The following HOMER2 variants were observed in gnomAD, a reference collection of about 807,000 sequenced individuals.
The protein encoded by HOMER2 is homer scaffold protein 2.
Under a neutral mutation model 47.0 loss-of-function variants are expected in HOMER2, and 27 were observed. That is an observed-to-expected ratio of 0.57 (90% confidence interval 0.42 to 0.79). The LOEUF (loss-of-function observed/expected upper bound fraction) is 0.79, where lower values mean the gene tolerates loss of function less well. Among genes scored for constraint, HOMER2 ranks in the 30% least tolerant of loss-of-function variants. HOMER2 has a pLI of 0.00. For synonymous variants in HOMER2, 161 were observed against 163.8 expected, an observed-to-expected ratio of 0.98 and a Z score of 0.13; for missense variants, 443 against 435.0, an observed-to-expected ratio of 1.02 and a Z score of -0.16.
intron 4 of HOMER2, among the ~76,000 whole-genome samples, 196 bp downstream of exon 4, chr15:82,863,971 T>C (rs1283222353): frequency 1.3e-5 from 2 of 152,356 alleles, no homozygotes; most frequent in East Asian, 3.9e-4. Flanking sequence ...AACCATTTTC[T>C]GTCAGAAATA....
rs574035779 is a variant in HOMER2, at chr15:82,915,625, T to C, written c.6-22784A>G. ...CTGCTGGGAGGCTAACGTGGGAGGA[T>C]TGCCTGGGCCTGGGAGTTCAAGGCT... On this transcript the variant is annotated intron_variant, in intron 1 of 8. Coordinates refer to ENST00000450735, the MANE Select transcript of HOMER2 (RefSeq NM_004839.4). 1.1e-3 allele frequency among the ~76,000 whole-genome samples: 161 copies of C among 152,296 alleles called. 1 individual carries two copies. The highest frequency in any genetic ancestry group is 7.2e-4 in the African/African-American group (30 of 41,574).
At chr15:82,853,996 G>C (rs1300749196) in intron 6 of HOMER2, among the ~76,000 whole-genome samples, 1 of 152,148 alleles carries the variant, frequency 6.6e-6, no homozygotes, top group Non-Finnish European at 1.5e-5. Flanking sequence ...CTTCCTCCAC[G>C]GAGGGTCACT....
intron 3 of HOMER2, among the ~76,000 whole-genome samples, chr15:82,873,367 T>A (rs1186951397): frequency 1.3e-5 from 2 of 152,200 alleles, no homozygotes; most frequent in African/African-American, 4.8e-5. Context: ...CTGTCCCACA[T>A]GACACTGCTT....
At chr15:82,928,326 C>T (rs2053908619) in intron 1 of HOMER2, among the ~76,000 whole-genome samples, 1 of 152,166 alleles carries the variant, frequency 6.6e-6, no homozygotes, top group African/African-American at 2.4e-5. Flanking sequence ...GAGGTCTGAG[C>T]ACATAGACTG....
chr15:82,868,108 G>A (rs760830924), intron 3 of HOMER2, among the ~76,000 whole-genome samples: 2 of 151,894 alleles, frequency 1.3e-5, no homozygotes, highest in Non-Finnish European at 2.9e-5. Flanking sequence ...TTTTTCATAT[G>A]ATTGTTGGCT....
At chr15:82,911,099 G>A (rs566193627) in intron 1 of HOMER2, among the ~76,000 whole-genome samples, 2 of 152,256 alleles carry the variant, frequency 1.3e-5, no homozygotes, top group South Asian at 4.1e-4. Flanking sequence ...GGTGTAAGAC[G>A]CCACTGCAGG....
Position 82,918,890 on chromosome 15 carries a change from T to C in HOMER2, c.6-26049A>G, listed in dbSNP as rs548255316. Reference sequence around the variant, plus strand: ...GCTGTGCAGGGCACAACTCTGAGTGTCAATCATGAAAGACACGCAGACTCA... The same window carrying C: ...GCTGTGCAGGGCACAACTCTGAGTGCCAATCATGAAAGACACGCAGACTCA... On this transcript the variant is annotated intron_variant, in intron 1 of 8. Coordinates refer to ENST00000450735, the MANE Select transcript of HOMER2 (RefSeq NM_004839.4). Among the ~76,000 whole-genome samples, 4 of 152,288 alleles carry C rather than the reference T, an allele frequency of 2.6e-5. No homozygotes were observed. The South Asian group carries it at 6.2e-4, about 24-fold the overall frequency.
At chr15:82,955,165 CTTTT>C (rs1259289300), upstream of HOMER2, among the ~76,000 whole-genome samples, 1 of 147,272 alleles carries the variant, frequency 6.8e-6, no homozygotes, top group Non-Finnish European at 1.5e-5. Flanking sequence ...CTTTCTTTTT[CTTTT>C]TCTTTTTTTT....
chr15:82,866,957 G>A (rs2151640717), intron 3 of HOMER2, among the ~76,000 whole-genome samples: 1 of 152,288 alleles, frequency 6.6e-6, no homozygotes, highest in African/African-American at 2.4e-5. Context: ...TAAAGGTGTG[G>A]TATTAGTAGA....
At chr15:82,870,030 C>G (rs1596314118) in intron 3 of HOMER2, among the ~76,000 whole-genome samples, 1 of 152,180 alleles carries the variant, frequency 6.6e-6, no homozygotes, top group East Asian at 1.9e-4. Context: ...TTTTTTGGTA[C>G]TTATTAAAAT....
rs193298600 is a variant in HOMER2, at chr15:82,982,970, C to G, written n.82+2817G>C. ...TTGAAAAGATCATATACAGCTGCTCCTTGATTTTTGACGGGGTTATGTCCA... is the reference window on the plus strand; with the variant it reads ...TTGAAAAGATCATATACAGCTGCTCGTTGATTTTTGACGGGGTTATGTCCA... On this transcript the variant is annotated intron_variant and non_coding_transcript_variant, in intron 1 of 1. Transcript: ENST00000500334. 5.9e-5 allele frequency among the ~76,000 whole-genome samples: 9 copies of G among 152,248 alleles called. No individual in the cohort carries two copies. In the East Asian group the frequency reaches 1.7e-3, roughly 29 times the overall value.
At chr15:82,869,749 C>A (rs1266435628) in intron 3 of HOMER2, among the ~76,000 whole-genome samples, 1 of 152,154 alleles carries the variant, frequency 6.6e-6, no homozygotes, top group East Asian at 1.9e-4. Context: ...TGAGCCATCA[C>A]GCCCAGCCTC....
At chr15:82,953,080 A>T (rs954571542), upstream of HOMER2, among the ~76,000 whole-genome samples, 3 of 152,118 alleles carry the variant, frequency 2.0e-5, no homozygotes, top group Admixed American at 2.0e-4. Context: ...AGGCCTGGGG[A>T]GGGTAAGTGA....
chr15:82,956,872 AT>A (rs1031552967), upstream of HOMER2, among the ~76,000 whole-genome samples: 2 of 152,228 alleles, frequency 1.3e-5, no homozygotes, highest in Non-Finnish European at 2.9e-5. Context: ...TCAGACCTGC[AT>A]TAAGTCCTGG....
At chr15:82,860,601 C>A (rs978324447) in intron 4 of HOMER2, among the ~76,000 whole-genome samples, 1 of 152,024 alleles carries the variant, frequency 6.6e-6, no homozygotes, top group African/African-American at 2.4e-5. Context: ...GAAAAGCATA[C>A]AATCGATAAA....
rs535162709 is a variant in HOMER2 at position 82,859,188 on chromosome 15, T to C, written c.388-53A>G. On this transcript the variant is annotated intron_variant, in intron 4 of 8. Coordinates refer to ENST00000450735, the MANE Select transcript of HOMER2 (RefSeq NM_004839.4). ...AGATTCCTGGCCAAAGTGAATTATC[T>C]TCACACGTTATTGCTTGTCTGCACA... is the stretch of plus-strand genomic sequence containing the variant. The C allele has an allele frequency of 3.1e-6, 5 of 1,612,972 alleles. No homozygotes were observed. In the East Asian group the frequency reaches 8.9e-5, roughly 29 times the overall value.
chr15:82,907,380 G>A (rs1437697053), intron 1 of HOMER2, among the ~76,000 whole-genome samples: 2 of 143,192 alleles, frequency 1.4e-5, no homozygotes, highest in African/African-American at 5.2e-5. Context: ...GAGAAGAGAA[G>A]AGAAGAGGAA....
chr15:82,858,895 G>T, intron 5 of HOMER2, 134 bp downstream of exon 5: 1 of 1,022,758 alleles, frequency 9.8e-7, no homozygotes. Context: ...CCTTTCACCA[G>T]GAGACAAGAG....
At chr15:82,858,446 C>T (rs568158328) in intron 5 of HOMER2, among the ~76,000 whole-genome samples, 4 of 152,200 alleles carry the variant, frequency 2.6e-5, no homozygotes, top group Admixed American at 1.3e-4. Context: ...GTAAACACCA[C>T]CATAGCTGGC....
Sources: gnomAD v4.1 joint callset for allele counts (sites outside exome capture counted in the v4.1 genomes callset) on GRCh38, gnomAD v4.1.1 for gene constraint, MANE v1.5 for transcripts, NCBI Gene and HGNC (gene_info 2026-07-23, HGNC 2026-07-21) for gene names.